Variants in MPPED1 observed in about 807,000 individuals in gnomAD.
MPPED1 encodes metallophosphoesterase domain containing 1.
MPPED1 carries 16 observed loss-of-function variants against 36.2 expected under a neutral mutation model. The ratio of observed to expected loss-of-function variants is 0.44; its 90% CI spans 0.30 to 0.67. The LOEUF is 0.67. Ranked by LOEUF, MPPED1 falls within the 30% of genes least tolerant of loss-of-function variation. The pLI, the probability that MPPED1 is intolerant of heterozygous loss-of-function variation, is 0.10. For missense variants in MPPED1, 307 were observed against 453.4 expected (o/e 0.68, Z 2.93); for synonymous variants, 199 against 191.3 (o/e 1.04, Z -0.33).
intron 6 of MPPED1, among the ~76,000 whole-genome samples, chr22:43,503,427 G>A (rs1037221638): frequency 6.6e-6 from 1 of 152,190 alleles, no homozygotes; most frequent in Non-Finnish European, 1.5e-5. Context: ...CATATTGGCT[G>A]CTGTGGGATG....
chr22:43,423,957 G>GC (rs1156906906), intron 1 of MPPED1, among the ~76,000 whole-genome samples: 1 of 152,192 alleles, frequency 6.6e-6, no homozygotes, highest in Non-Finnish European at 1.5e-5. Flanking sequence ...GACTAACGAG[G>GC]CGTCGGCCAT....
intron 3 of MPPED1, among the ~76,000 whole-genome samples, chr22:43,469,925 T>A (rs998583607): frequency 1.3e-5 from 2 of 152,168 alleles, no homozygotes; most frequent in Admixed American, 6.5e-5. Flanking sequence ...TATATATGCA[T>A]CTATATATTC....
At chr22:43,452,689 G>A (rs1569074900) in intron 3 of MPPED1, among the ~76,000 whole-genome samples, 9 of 152,166 alleles carry the variant, frequency 5.9e-5, no homozygotes. Flanking sequence ...GAGTGCAGTG[G>A]CATGATCACG....
intron 3 of MPPED1, among the ~76,000 whole-genome samples, chr22:43,464,471 A>T (rs1931092213): frequency 1.3e-5 from 2 of 152,032 alleles, no homozygotes; most frequent in South Asian, 4.1e-4. Context: ...TCCAGATTTG[A>T]TAGCTAAGTG....
intron 4 of MPPED1, among the ~76,000 whole-genome samples, chr22:43,492,127 T>C (rs1356822563): frequency 1.3e-5 from 2 of 152,080 alleles, no homozygotes; most frequent in Non-Finnish European, 2.9e-5. Context: ...GAATACTTAC[T>C]GTGTACCAGG....
intron 4 of MPPED1, among the ~76,000 whole-genome samples, chr22:43,496,569 AGATGGTGGTGGTGGTGGTGGAGAT>A (rs1569089768): frequency 2.2e-4 from 3 of 13,826 alleles, no homozygotes. Flanking sequence ...GTGGTGGTGG[AGATGGTGGTGGTGGTGGTGGAGAT>A]GGTGGTGGTG....
At position 43,505,560 on chromosome 22, in the gene MPPED1, T is replaced by C. The variant is rs779938018; in HGVS notation, c.925T>C (p.Tyr309His). Reference sequence around the variant, plus strand: ...GAATGCGTCCGTATGCACTGTGAACTACCAGCCCGTGAACCCGCCCATAGT... The same window carrying C: ...GAATGCGTCCGTATGCACTGTGAACCACCAGCCCGTGAACCCGCCCATAGT... ...YVNASVCTVNYQPVNPPIVID... is the reference protein window; with the variant it reads ...YVNASVCTVNHQPVNPPIVID... Residue 309 changes from tyrosine (Y) to histidine (H), a missense_variant, in exon 7 of 7, where the codon TAC becomes CAC. Transcript: ENST00000443721. 6.2e-7 allele frequency: 1 copy of C among 1,612,852 alleles called. No individual in the cohort carries two copies. The highest frequency in any genetic ancestry group is 2.2e-5 in the East Asian group (1 of 44,866).
intron 1 of MPPED1, among the ~76,000 whole-genome samples, chr22:43,412,929 A>G (rs977133273): frequency 6.6e-6 from 1 of 152,182 alleles, no homozygotes; most frequent in Non-Finnish European, 1.5e-5. Flanking sequence ...CAGAGCACTG[A>G]TGTGCCCAGG....
At chr22:43,428,348 C>T (rs1468355761) in intron 2 of MPPED1, among the ~76,000 whole-genome samples, 1 of 152,316 alleles carries the variant, frequency 6.6e-6, no homozygotes, top group African/African-American at 2.4e-5. Flanking sequence ...GAGCATGCTC[C>T]GAGCTCCAGC....
chr22:43,460,062 C>T (rs915253204), intron 3 of MPPED1, among the ~76,000 whole-genome samples: 1 of 151,958 alleles, frequency 6.6e-6, no homozygotes, highest in Non-Finnish European at 1.5e-5. Flanking sequence ...CAAAAATTAG[C>T]CGGGTGTGGT....
At chr22:43,449,489 T>G (rs1930487901) in intron 3 of MPPED1, among the ~76,000 whole-genome samples, 1 of 130,014 alleles carries the variant, frequency 7.7e-6, no homozygotes, top group East Asian at 2.6e-4. Context: ...AATGCACTCA[T>G]CCCCTTATCC....
chr22:43,454,651 G>C (rs543119166), intron 3 of MPPED1, among the ~76,000 whole-genome samples: 54 of 149,218 alleles, frequency 3.6e-4, no homozygotes, highest in Admixed American at 1.5e-3. Flanking sequence ...TCCAGGCTCA[G>C]GTGATCCTCC....
intron 3 of MPPED1, among the ~76,000 whole-genome samples, chr22:43,440,329 C>G (rs1930106901): frequency 6.6e-6 from 1 of 152,204 alleles, no homozygotes; most frequent in Non-Finnish European, 1.5e-5. Flanking sequence ...GTTGGGGTCT[C>G]AAGGACGAGG....
intron 4 of MPPED1, among the ~76,000 whole-genome samples, chr22:43,486,287 A>G (rs1467937936): frequency 6.6e-6 from 1 of 152,126 alleles, no homozygotes; most frequent in Non-Finnish European, 1.5e-5. Context: ...CTCGGGGCCA[A>G]TGACAGATGT....
At chr22:43,471,577 C>G (rs988549722) in intron 3 of MPPED1, among the ~76,000 whole-genome samples, 2 of 152,222 alleles carry the variant, frequency 1.3e-5, no homozygotes, top group African/African-American at 4.8e-5. Context: ...GATCTCAGCT[C>G]TCCACCAGCG....
At chr22:43,469,863 G>A (rs972315685) in intron 3 of MPPED1, among the ~76,000 whole-genome samples, 3 of 152,004 alleles carry the variant, frequency 2.0e-5, no homozygotes, top group African/African-American at 7.3e-5. Context: ...ACCCACCCAT[G>A]TATGCATCTA....
rs1601976543 is a variant in MPPED1, at chr22:43,459,339, C to T, written c.407-15397C>T. Among the ~76,000 whole-genome samples, 3 of 152,338 alleles carry T rather than the reference C, an allele frequency of 2.0e-5. No individual in the cohort carries two copies. The South Asian group carries it at 6.2e-4, about 32-fold the overall frequency. On this transcript the variant is annotated intron_variant, in intron 3 of 6. Coordinates refer to ENST00000443721, the MANE Select transcript of MPPED1 (RefSeq NM_001044370.2). Reference sequence around the variant, plus strand: ...CTGGCTTCAAGTAATCCACTCACCTCAGCCTCCCAAAATGCTGGGATTACA... The same window carrying T: ...CTGGCTTCAAGTAATCCACTCACCTTAGCCTCCCAAAATGCTGGGATTACA...
chr22:43,460,253 ACAAACC>A lies in MPPED1; in HGVS notation c.407-14475_407-14470del, dbSNP rs779362738. ...AACAAAAACAAAAACAAAAACAAAAACAAACCCAAACCCCCCCCCCCAAACCCAAAG... is the reference window on the plus strand; with the variant it reads ...AACAAAAACAAAAACAAAAACAAAAACAAACCCCCCCCCCCAAACCCAAAG... On this transcript the variant is annotated intron_variant, in intron 3 of 6. Coordinates refer to ENST00000443721, the MANE Select transcript of MPPED1 (RefSeq NM_001044370.2). Among the ~76,000 whole-genome samples, 50 of 115,854 alleles carry A rather than the reference ACAAACC, an allele frequency of 4.3e-4. 1 individual carries two copies. The South Asian group carries it at 0.011, about 26-fold the overall frequency. 76.0% of individuals were successfully genotyped at this position (115,854 alleles called of 152,430 possible). A position where few individuals can be genotyped will look rare whatever the true frequency, so the allele number is the denominator to read the frequency against.
chr22:43,466,741 C>T (rs937042486), intron 3 of MPPED1, among the ~76,000 whole-genome samples: 2 of 152,182 alleles, frequency 1.3e-5, no homozygotes, highest in Non-Finnish European at 2.9e-5. Flanking sequence ...AGGGACAGCC[C>T]TCATGTCCTA....
Sources: allele counts gnomAD v4.1 joint callset (sites outside exome capture counted in the v4.1 genomes callset), GRCh38; gene constraint gnomAD v4.1.1; transcripts MANE v1.5; gene names NCBI Gene and HGNC (gene_info 2026-07-23, HGNC 2026-07-21).